The following CYP7B1 variants were observed in gnomAD, a reference collection of about 807,000 sequenced individuals.
CYP7B1 encodes cytochrome P450 family 7 subfamily B member 1.
A neutral mutation model predicts 42.7 loss-of-function variants in CYP7B1; 29 were observed. That is an observed-to-expected ratio of 0.68 (90% CI 0.51 to 0.93). The LOEUF is 0.93. CYP7B1 is among the 40% of genes least tolerant of loss of function. The probability of loss-of-function intolerance (pLI) is 0.00; values close to 1 mark genes in which losing one functional copy is unlikely to be tolerated. For missense variants in CYP7B1, 655 were observed against 600.5 expected (o/e 1.09, Z -0.95); for synonymous variants, 235 against 218.2 (o/e 1.08, Z -0.68).
At chr8:64,670,638 C>T (rs1384813271) in intron 1 of CYP7B1, among the ~76,000 whole-genome samples, 2 of 152,198 alleles carry the variant, frequency 1.3e-5, no homozygotes, top group Non-Finnish European at 2.9e-5. Flanking sequence ...GCAGCACATT[C>T]TCCCAAGAAA....
chr8:64,715,161 T>A (rs1807135899), intron 1 of CYP7B1, among the ~76,000 whole-genome samples: 1 of 152,240 alleles, frequency 6.6e-6, no homozygotes, highest in Non-Finnish European at 1.5e-5. Flanking sequence ...TTTGTTAAGA[T>A]GTTTGTTAAA....
At chr8:64,728,707 A>G (rs1807359974) in intron 1 of CYP7B1, among the ~76,000 whole-genome samples, 1 of 152,240 alleles carries the variant, frequency 6.6e-6, no homozygotes, top group East Asian at 1.9e-4. Context: ...TATTATCGTT[A>G]AGAAAAACTC....
intron 4 of CYP7B1, among the ~76,000 whole-genome samples, chr8:64,614,058 T>C (rs1370607777): frequency 1.3e-5 from 2 of 152,100 alleles, no homozygotes; most frequent in Non-Finnish European, 2.9e-5. Context: ...CTAAAGAAAC[T>C]TGGAATATTG....
chr8:64,677,458 AAAAAAAT>A (rs1585849235), intron 1 of CYP7B1, among the ~76,000 whole-genome samples: 2 of 143,928 alleles, frequency 1.4e-5, no homozygotes, highest in East Asian at 4.0e-4. Flanking sequence ...AAAAAAAAAA[AAAAAAAT>A]GATTTCCTGG....
intron 1 of CYP7B1, among the ~76,000 whole-genome samples, chr8:64,782,975 G>T (rs1230241999): frequency 6.6e-6 from 1 of 152,092 alleles, no homozygotes; most frequent in African/African-American, 2.4e-5. Context: ...TAACCTCTGG[G>T]CTTTATAAGG....
chr8:64,781,900 T>G (rs1804430209), intron 1 of CYP7B1, among the ~76,000 whole-genome samples: 1 of 152,194 alleles, frequency 6.6e-6, no homozygotes, highest in African/African-American at 2.4e-5. Flanking sequence ...AATCTTTTAT[T>G]ATTTTAGTCT....
intron 4 of CYP7B1, among the ~76,000 whole-genome samples, chr8:64,607,791 A>C (rs919767504): frequency 2.0e-5 from 3 of 152,232 alleles, no homozygotes; most frequent in Admixed American, 6.5e-5. Flanking sequence ...TGTTTTATAA[A>C]ACTTATTGTG....
intron 1 of CYP7B1, among the ~76,000 whole-genome samples, chr8:64,786,670 T>C (rs955525154): frequency 2.0e-5 from 3 of 152,202 alleles, no homozygotes; most frequent in African/African-American, 4.8e-5. Context: ...TCTACCATTA[T>C]GGGGTCTGGA....
chr8:64,670,889 G>C (rs1806357130), intron 1 of CYP7B1, among the ~76,000 whole-genome samples: 1 of 151,772 alleles, frequency 6.6e-6, no homozygotes. Context: ...TTTAAACCCT[G>C]GTGTTAGTAT....
At chr8:64,619,781 T>C (rs1235747380) in intron 2 of CYP7B1, among the ~76,000 whole-genome samples, 1 of 152,218 alleles carries the variant, frequency 6.6e-6, no homozygotes, top group Non-Finnish European at 1.5e-5. Flanking sequence ...AATTCAGTCA[T>C]TCACCCTAAT....
chr8:64,693,416 A>G lies in CYP7B1; in HGVS notation c.123-68877T>C, dbSNP rs186648280. Among the ~76,000 whole-genome samples, 749 of 152,366 alleles carry G rather than the reference A, an allele frequency of 4.9e-3. 1 individual carries two copies. Among genetic ancestry groups the G allele is most frequent in the Non-Finnish European group, 7.6e-3 (519 of 68,034 alleles). The stretch of plus-strand genomic sequence containing the variant: ...CAATGGGGCTTGACACTGAGCCTTC[A>G]GAGGCCAGGCTCCCTCTTATCCAGA... On this transcript the variant is annotated intron_variant, in intron 1 of 5. Transcript: ENST00000310193.
In CYP7B1 at chr8:64,792,300, A is replaced by C. The variant is rs189445455; in HGVS notation, c.122+6166T>G. Among the ~76,000 whole-genome samples, 244 of 152,330 alleles carry C rather than the reference A, an allele frequency of 1.6e-3. 4 individuals carry two copies. Among genetic ancestry groups the C allele is most frequent in the Non-Finnish European group, 5.6e-4 (38 of 68,032 alleles). On this transcript the variant is annotated intron_variant, in intron 1 of 5. Transcript: ENST00000310193. ...AGATTAAGAGAAGAACTGTTAGGCA[A>C]AAAGGAACCAGGAATTGATGATTTG...
At chr8:64,685,397 C>A (rs1396376741) in intron 1 of CYP7B1, among the ~76,000 whole-genome samples, 2 of 102,886 alleles carry the variant, frequency 1.9e-5, no homozygotes, top group African/African-American at 7.6e-5. Flanking sequence ...TCCGCCCGGC[C>A]GCCATCCCAT....
intron 1 of CYP7B1, among the ~76,000 whole-genome samples, chr8:64,702,642 G>A (rs900321872): frequency 6.6e-6 from 1 of 152,098 alleles, no homozygotes; most frequent in African/African-American, 2.4e-5. Flanking sequence ...ACACAAACAA[G>A]TGACCTTGAC....
At chr8:64,784,268 T>A (rs1180054498) in intron 1 of CYP7B1, among the ~76,000 whole-genome samples, 2 of 152,166 alleles carry the variant, frequency 1.3e-5, no homozygotes, top group African/African-American at 4.8e-5. Context: ...CAAAAGCAAG[T>A]AAACACAAAA....
chr8:64,705,657 A>C (rs530902383), intron 1 of CYP7B1, among the ~76,000 whole-genome samples: 1 of 152,106 alleles, frequency 6.6e-6, no homozygotes, highest in East Asian at 1.9e-4. Flanking sequence ...ACACTTTTAA[A>C]TCAGAAATTA....
intron 1 of CYP7B1, among the ~76,000 whole-genome samples, chr8:64,643,406 C>CTTAA (rs1171616681): frequency 6.6e-6 from 1 of 152,012 alleles, no homozygotes; most frequent in African/African-American, 2.4e-5. Flanking sequence ...ATGTACATAT[C>CTTAA]TTAATTAAAA....
chr8:64,658,939 A>G (rs962726083), intron 1 of CYP7B1, among the ~76,000 whole-genome samples: 3 of 152,254 alleles, frequency 2.0e-5, no homozygotes, highest in African/African-American at 7.2e-5. Context: ...GCACACCTGC[A>G]TGAACAGAAT....
At chr8:64,731,315 A>G (rs1807405403) in intron 1 of CYP7B1, among the ~76,000 whole-genome samples, 1 of 152,082 alleles carries the variant, frequency 6.6e-6, no homozygotes, top group Non-Finnish European at 1.5e-5. Flanking sequence ...CAGATGGAGA[A>G]CTTGTTGGGA....
Sources: allele counts gnomAD v4.1 joint callset (sites outside exome capture counted in the v4.1 genomes callset), GRCh38; gene constraint gnomAD v4.1.1; transcripts MANE v1.5; gene names NCBI Gene and HGNC (gene_info 2026-07-23, HGNC 2026-07-21).